GJA9: variants seen among roughly 807,000 people sequenced by gnomAD.
GJA9 encodes the protein gap junction alpha-9 protein.
In GJA9, 1 loss-of-function variant was observed where a neutral mutation model predicts 0.4. The ratio of observed to expected loss-of-function variants is 2.50; its 90% CI spans 0.89 to 11.88. The LOEUF is 11.88. Among genes scored for constraint, GJA9 ranks in the 30% most tolerant of loss-of-function variants. The pLI is 0.12. For missense variants in GJA9, 550 were observed against 602.8 expected (o/e 0.91, Z 0.92); for synonymous variants, 190 against 219.1 (o/e 0.87, Z 1.17).
intron 1 of GJA9, among the ~76,000 whole-genome samples, chr1:38,880,385 A>G: frequency 7.0e-6 from 1 of 143,546 alleles, no homozygotes; most frequent in Non-Finnish European, 1.5e-5. Context: ...CCTGGGCGAC[A>G]GAGCAAGACT....
At position 38,875,294 on chromosome 1, in the gene GJA9, T is replaced by G; in HGVS notation, c.805A>C (p.Ser269Arg). 1 of 1,614,188 alleles carries G rather than the reference T, an allele frequency of 6.2e-7. No individual in the cohort carries two copies. The highest frequency in any genetic ancestry group is 8.5e-7 in the Non-Finnish European group (1 of 1,180,020). ...CGCTTCAGTGAATTTGCAGATGTGC[T>G]CTGGTATTTGGCTACATTTTGTTTT... ...KAKQNVAKYQ[S>R]TSANSLKRLP... Residue 269 changes from serine (S) to arginine (R), a missense_variant, in exon 2 of 2, where the codon AGC becomes CGC. Physicochemically the swap from Ser to Arg is moderately radical, Grantham distance 110. Transcript: ENST00000357771.
At position 38,875,500 on chromosome 1, in the gene GJA9, C is replaced by T. The variant is rs765711197; in HGVS notation, c.599G>A (p.Cys200Tyr). 1.2e-6 allele frequency: 2 copies of T among 1,614,154 alleles called. No individual in the cohort carries two copies. Among genetic ancestry groups the T allele is most frequent in the African/African-American group, 2.7e-5 (2 of 75,038 alleles). The change falls in exon 2 of 2, where the codon TGT becomes TAT. Residue 200 changes from cysteine to tyrosine, a missense_variant. Cys to Tyr is a radical substitution (Grantham distance 194). Coordinates refer to ENST00000357771, the MANE Select transcript of GJA9 (RefSeq NM_030772.5). ...CTTTTCTGTTGGTCTTGAGACAAAA[C>T]AGTCGATTATATTTGGACACGGGTG... Reference protein sequence around the residue: ...HGHPCPNIIDCFVSRPTEKTI... With the variant: ...HGHPCPNIIDYFVSRPTEKTI...
chr1:38,879,715 T>C (rs1642655671), intron 1 of GJA9, among the ~76,000 whole-genome samples: 2 of 152,172 alleles, frequency 1.3e-5, no homozygotes, highest in Admixed American at 6.5e-5. Flanking sequence ...CTTCAGCCTT[T>C]GTTCTGTTTT....
chr1:38,879,928 A>G (rs1244143929), intron 1 of GJA9, among the ~76,000 whole-genome samples: 21 of 151,272 alleles, frequency 1.4e-4, no homozygotes, highest in Non-Finnish European at 2.9e-5. Context: ...ACGGGGTTTC[A>G]CCGTGATCTC....
In GJA9 at chr1:38,881,443, T is replaced by C. The variant is rs1285890202; in HGVS notation, c.-107A>G. 1 of 701,980 alleles carries C rather than the reference T, an allele frequency of 1.4e-6. No homozygotes were observed. 43.5% of individuals were successfully genotyped at this position (701,980 alleles called of 1,614,324 possible). On this transcript the variant is annotated 5_prime_UTR_variant, in exon 1 of 2. Coordinates refer to ENST00000357771, the MANE Select transcript of GJA9 (RefSeq NM_030772.5). Reference sequence around the variant, plus strand: ...AGATTAACACAAACCTTTCTTAGTTTAGGTAAATCTGAGAAGCAAACCATG... The same window carrying C: ...AGATTAACACAAACCTTTCTTAGTTCAGGTAAATCTGAGAAGCAAACCATG...
In GJA9 at chr1:38,875,663, T is replaced by C; in HGVS notation, c.436A>G (p.Lys146Glu). Residue 146 changes from lysine (K) to glutamate (E), a missense_variant, in exon 2 of 2, where the codon AAA (lysine) becomes GAA (glutamate). By Grantham distance (56) the Lys-to-Glu change is moderately conservative. Coordinates refer to ENST00000357771, the MANE Select transcript of GJA9 (RefSeq NM_030772.5). ...LCQLEKRKLN[K>E]APLRGTLLCT... is the part of the protein sequence containing the mutation. Reference sequence around the variant, plus strand: ...AGCAAGGTTCCTCTGAGTGGAGCTTTATTTAGTTTCCTTTTCTCCAGCTGA... The same window carrying C: ...AGCAAGGTTCCTCTGAGTGGAGCTTCATTTAGTTTCCTTTTCTCCAGCTGA... 1 of 1,614,204 alleles carries C rather than the reference T, an allele frequency of 6.2e-7. No individual in the cohort carries two copies. Among genetic ancestry groups the C allele is most frequent in the Non-Finnish European group, 8.5e-7 (1 of 1,180,024 alleles).
chr1:38,875,634 G>A lies in GJA9; in HGVS notation c.465C>T (p.Cys155=), dbSNP rs562386291. ...GAGTGAAAATGTGTATCACATAAGTGCAAAGCAAGGTTCCTCTGAGTGGAG... is the reference window on the plus strand; with the variant it reads ...GAGTGAAAATGTGTATCACATAAGTACAAAGCAAGGTTCCTCTGAGTGGAG... ...NKAPLRGTLL[C]TYVIHIFTRS... Residue 155 remains cysteine, a synonymous_variant, in exon 2 of 2, where the codon TGC becomes TGT. Coordinates refer to ENST00000357771, the MANE Select transcript of GJA9 (RefSeq NM_030772.5). 9.9e-6 allele frequency: 16 copies of A among 1,614,180 alleles called. No individual in the cohort carries two copies. The highest frequency in any genetic ancestry group is 5.3e-5 in the African/African-American group (4 of 75,034).
chr1:38,879,820 G>A (rs565773745), intron 1 of GJA9, among the ~76,000 whole-genome samples: 5 of 152,006 alleles, frequency 3.3e-5, no homozygotes, highest in Admixed American at 1.3e-4. Flanking sequence ...TCCGCCTCCC[G>A]GGTTCACGCC....
chr1:38,875,737 A>C lies in GJA9; in HGVS notation c.362T>G (p.Val121Gly). ...CCGATCCCTAGGCATTTCAAACTCT[A>C]CCTCCTCCAGTTCTACTCTTAACTG... is the stretch of plus-strand genomic sequence containing the variant. The part of the protein sequence containing the change: ...KAQLRVELEE[V>G]EFEMPRDRRR... Residue 121 changes from valine to glycine, a missense_variant, in exon 2 of 2, where the codon GTA becomes GGA. Coordinates refer to ENST00000357771, the MANE Select transcript of GJA9 (RefSeq NM_030772.5). 1 of 1,613,926 alleles carries C rather than the reference A, an allele frequency of 6.2e-7. No homozygotes were observed. The highest frequency in any genetic ancestry group is 8.5e-7 in the Non-Finnish European group (1 of 1,179,976).
chr1:38,881,416 A>G lies in GJA9; in HGVS notation c.-96+16T>C. On this transcript the variant is annotated intron_variant, in intron 1 of 1. Transcript: ENST00000357771. ...ACTCTTTCTTAATAAGCTAAAACAG[A>G]GAGATTAACACAAACCTTTCTTAGT... 2.9e-6 allele frequency: 2 copies of G among 701,662 alleles called. No homozygotes were observed. The highest frequency in any genetic ancestry group is 1.5e-5 in the South Asian group (1 of 67,462). 43.5% of individuals were successfully genotyped at this position (701,662 alleles called of 1,614,324 possible).
intron 1 of GJA9, among the ~76,000 whole-genome samples, chr1:38,877,603 T>TAG (rs544704845): frequency 3.9e-5 from 6 of 152,110 alleles, no homozygotes; most frequent in African/African-American, 1.4e-4. Flanking sequence ...TTCAAGCGAT[T>TAG]CCCCTGCCTC....
rs1196205269 is a variant in GJA9 at position 38,875,239 on chromosome 1, AACAGATT to A, written c.853_859del (p.Asn285Ter). 1 of 1,614,060 alleles carries A rather than the reference AACAGATT, an allele frequency of 6.2e-7. No individual in the cohort carries two copies. Among genetic ancestry groups the A allele is most frequent in the Non-Finnish European group, 8.5e-7 (1 of 1,180,044 alleles). ...TGCAGTGTGTGTTTGCTTTTCCACT[AACAGATT>A]ATAATCAGGGGCAGAAGGGAGTCGC... On this transcript the variant is annotated frameshift_variant, in exon 2 of 2. Transcript: ENST00000357771. LOFTEE classifies it low-confidence loss of function (END_TRUNC).
Position 38,874,359 on chromosome 1 carries a change from C to G in GJA9, c.*192G>C, listed in dbSNP as rs1642538099. 3.7e-6 allele frequency: 2 copies of G among 543,030 alleles called. No homozygotes were observed. The highest frequency in any genetic ancestry group is 6.5e-6 in the Non-Finnish European group (2 of 309,832). The allele number at this position is 543,030 out of a possible 1,614,324, so 33.6% of individuals were successfully genotyped here. ...AAAAAAAAATCCTGATTTGACAACT[C>G]TATGTCTTTGAATTTAGAAGTGTTG... On this transcript the variant is annotated 3_prime_UTR_variant, in exon 2 of 2. Coordinates refer to ENST00000357771, the MANE Select transcript of GJA9 (RefSeq NM_030772.5).
intron 1 of GJA9, among the ~76,000 whole-genome samples, chr1:38,878,880 T>A (rs932758809): frequency 6.6e-6 from 1 of 151,618 alleles, no homozygotes; most frequent in African/African-American, 2.4e-5. Flanking sequence ...ATTACAGACA[T>A]GCGCCACCAT....
intron 1 of GJA9, among the ~76,000 whole-genome samples, chr1:38,880,255 T>C (rs1205141969): frequency 6.8e-6 from 1 of 147,612 alleles, no homozygotes; most frequent in Non-Finnish European, 1.5e-5. Flanking sequence ...AATACAAAAA[T>C]TAGTCGGGCG....
intron 1 of GJA9, among the ~76,000 whole-genome samples, chr1:38,877,668 T>A (rs1225016126): frequency 6.6e-6 from 1 of 151,986 alleles, no homozygotes; most frequent in African/African-American, 2.4e-5. Context: ...CGGGATAATT[T>A]TTTGTATTTT....
chr1:38,880,413 A>AAAT (rs201524082), intron 1 of GJA9, among the ~76,000 whole-genome samples: 6,785 of 119,674 alleles, frequency 0.057, 561 homozygotes, highest in African/African-American at 0.14. Context: ...AAAAAAAAAT[A>AAAT]AATAATAATA....
intron 1 of GJA9, 139 bp downstream of exon 1, chr1:38,881,293 C>G (rs1324241478): frequency 2.0e-6 from 1 of 498,370 alleles, no homozygotes; most frequent in Non-Finnish European, 3.5e-6. Context: ...TAGTATTTAG[C>G]TACAAATTAA....
Position 38,874,476 on chromosome 1 carries a change from CTATT to C in GJA9, c.*71_*74del. 2.6e-6 allele frequency: 3 copies of C among 1,133,438 alleles called. No individual in the cohort carries two copies. Among genetic ancestry groups the C allele is most frequent in the Non-Finnish European group, 3.9e-6 (3 of 779,140 alleles). 70.2% of individuals were successfully genotyped at this position (1,133,438 alleles called of 1,614,324 possible). ...AGCTGGTCTTTAGAGCTGCCCCTAT[CTATT>C]TTTTCTGTGCCCCACGACCACTAGG... On this transcript the variant is annotated 3_prime_UTR_variant, in exon 2 of 2. Coordinates refer to ENST00000357771, the MANE Select transcript of GJA9 (RefSeq NM_030772.5).
Sources: allele counts gnomAD v4.1 joint callset (sites outside exome capture counted in the v4.1 genomes callset), GRCh38; gene constraint gnomAD v4.1.1; transcripts MANE v1.5; gene names NCBI Gene and HGNC (gene_info 2026-07-23, HGNC 2026-07-21).